The following FRMD4A variants were observed in gnomAD, a reference collection of about 807,000 sequenced individuals.
FRMD4A encodes the protein FERM domain containing 4A, also known as FERM domain-containing protein 4A.
Under a neutral mutation model 129.1 loss-of-function variants are expected in FRMD4A, and 29 were observed. The ratio of observed to expected loss-of-function variants is 0.22; its 90% CI spans 0.17 to 0.31. FRMD4A has a LOEUF of 0.31. FRMD4A is among the 10% of genes least tolerant of loss of function. The pLI is 1.00. For missense variants in FRMD4A, 1,272 were observed against 1,375.8 expected, an observed-to-expected ratio of 0.92 and a Z score of 1.19; for synonymous variants, 634 against 571.6, an observed-to-expected ratio of 1.11 and a Z score of -1.56.
At chr10:13,734,936 C>T (rs887158529) in intron 12 of FRMD4A, among the ~76,000 whole-genome samples, 9 of 151,962 alleles carry the variant, frequency 5.9e-5, no homozygotes, top group Middle Eastern at 3.4e-3. Context: ...CGCAGTGGTG[C>T]GATCTCAGCT....
intron 19 of FRMD4A, among the ~76,000 whole-genome samples, chr10:13,662,179 G>A (rs1051580834): frequency 2.0e-5 from 3 of 152,090 alleles, no homozygotes; most frequent in Non-Finnish European, 4.4e-5. Flanking sequence ...GAGGCCAACC[G>A]CAGGGCTGGG....
At chr10:14,082,273 A>G (rs748185593) in intron 2 of FRMD4A, among the ~76,000 whole-genome samples, 2 of 152,158 alleles carry the variant, frequency 1.3e-5, no homozygotes, top group Non-Finnish European at 2.9e-5. Flanking sequence ...ACAATCTAAG[A>G]TATTTTTATT....
chr10:13,676,976 C>T (rs962598855), intron 15 of FRMD4A, among the ~76,000 whole-genome samples: 8 of 152,186 alleles, frequency 5.3e-5, no homozygotes, highest in Admixed American at 4.6e-4. Flanking sequence ...CCAGAATCCA[C>T]AGTTCTGTTT....
In FRMD4A at chr10:14,130,452, A is replaced by C. The variant is rs192303427; in HGVS notation, c.45+199606T>G. 3.4e-3 allele frequency among the ~76,000 whole-genome samples: 518 copies of C among 152,170 alleles called. 2 individuals carry two copies. Among genetic ancestry groups the C allele is most frequent in the Non-Finnish European group, 5.6e-3 (378 of 68,000 alleles). On this transcript the variant is annotated intron_variant, in intron 2 of 24. Transcript: ENST00000357447. ...ATTAAAAATTTTTTATGTAGAGATG[A>C]AGTCTTGCTATGATGCCCAGGCTCC...
At chr10:14,138,034 C>T (rs1490534667) in intron 2 of FRMD4A, among the ~76,000 whole-genome samples, 1 of 152,204 alleles carries the variant, frequency 6.6e-6, no homozygotes, top group East Asian at 1.9e-4. Context: ...ACAAAGACCA[C>T]CTTGGCATCC....
At chr10:13,768,278 C>G (rs2092351630) in intron 6 of FRMD4A, among the ~76,000 whole-genome samples, 1 of 152,164 alleles carries the variant, frequency 6.6e-6, no homozygotes, top group South Asian at 2.1e-4. Flanking sequence ...GTGTTTCTAA[C>G]AAGTGGGCCC....
At chr10:14,151,203 A>G (rs1236812913) in intron 2 of FRMD4A, among the ~76,000 whole-genome samples, 3 of 152,214 alleles carry the variant, frequency 2.0e-5, no homozygotes, top group East Asian at 1.9e-4. Context: ...AGAAAGTCAC[A>G]TGCACTCATA....
intron 2 of FRMD4A, among the ~76,000 whole-genome samples, chr10:14,226,249 G>A (rs781189633): frequency 6.6e-6 from 1 of 152,098 alleles, no homozygotes; most frequent in Non-Finnish European, 1.5e-5. Context: ...TTTTCCCTGG[G>A]TGTGAGTTAT....
intron 8 of FRMD4A, chr10:13,755,944 G>A (rs1276498888): frequency 6.6e-6 from 1 of 152,184 alleles, no homozygotes; most frequent in African/African-American, 2.4e-5. Context: ...CGCCTCTTAA[G>A]CATGTGATGG....
chr10:14,307,720 G>C (rs1846399867), intron 2 of FRMD4A, among the ~76,000 whole-genome samples: 1 of 152,174 alleles, frequency 6.6e-6, no homozygotes, highest in Non-Finnish European at 1.5e-5. Flanking sequence ...CCCACAGACA[G>C]TTTTTGTCCA....
At chr10:14,047,380 G>A (rs1763702001) in intron 2 of FRMD4A, among the ~76,000 whole-genome samples, 4 of 152,252 alleles carry the variant, frequency 2.6e-5, no homozygotes, top group Admixed American at 1.3e-4. Flanking sequence ...GGGTATGAAA[G>A]GAAGGTGCAA....
chr10:13,659,232 G>A, intron 21 of FRMD4A, 91 bp downstream of exon 21: 1 of 1,122,528 alleles, frequency 8.9e-7, no homozygotes, highest in Non-Finnish European at 1.4e-6. Context: ...TCTGACTGTA[G>A]CTCATCCATT....
chr10:13,657,291 G>T lies in FRMD4A; in HGVS notation c.2298C>A (p.Ala766=). 1 of 1,609,050 alleles carries T rather than the reference G, an allele frequency of 6.2e-7. No individual in the cohort carries two copies. ...SEHYYPAQMN[A]NYSTLAEDSP... ...AGTCCTCGGCCAGCGTGGAGTAGTT[G>T]GCGTTCATCTGCGCCGGGTAGTAGT... The change falls in exon 22 of 25, where the codon GCC becomes GCA. Residue 766 remains alanine (A), a synonymous_variant. Coordinates refer to ENST00000357447, the MANE Select transcript of FRMD4A (RefSeq NM_018027.5).
At chr10:14,073,686 T>A (rs1835422999) in intron 2 of FRMD4A, among the ~76,000 whole-genome samples, 1 of 152,124 alleles carries the variant, frequency 6.6e-6, no homozygotes, top group Non-Finnish European at 1.5e-5. Context: ...GGTATGAATG[T>A]GTCGTGTTCA....
chr10:14,329,023 A>G (rs1414010355), intron 2 of FRMD4A, among the ~76,000 whole-genome samples: 1 of 152,146 alleles, frequency 6.6e-6, no homozygotes, highest in African/African-American at 2.4e-5. Flanking sequence ...ACGAAGAACC[A>G]AGATATCTGT....
intron 2 of FRMD4A, among the ~76,000 whole-genome samples, chr10:13,986,671 AAAT>A (rs2095582604): frequency 6.9e-6 from 1 of 144,314 alleles, no homozygotes; most frequent in Non-Finnish European, 1.5e-5. Flanking sequence ...ATAAATAAAT[AAAT>A]AAAATAAATA....
chr10:13,867,834 TAATA>T (rs1185102955), intron 2 of FRMD4A, among the ~76,000 whole-genome samples: 6 of 137,494 alleles, frequency 4.4e-5, no homozygotes, highest in Non-Finnish European at 6.1e-5. Context: ...ATATAATATA[TAATA>T]AATAATACAT....
rs1488026966 is a variant in FRMD4A at position 14,102,352 on chromosome 10, C to A, written c.45+227706G>T. 2.6e-5 allele frequency among the ~76,000 whole-genome samples: 4 copies of A among 152,308 alleles called. No homozygotes were observed. The East Asian group carries it at 7.7e-4, about 29-fold the overall frequency. ...AACCAGCCTGGCCACCATAGTGAAA[C>A]CCCATCTCTACTAAAAATACAAAAA... is the stretch of plus-strand genomic sequence containing the variant. On this transcript the variant is annotated intron_variant, in intron 2 of 24. Coordinates refer to ENST00000357447, the MANE Select transcript of FRMD4A (RefSeq NM_018027.5).
At chr10:13,655,482 C>T (rs555774373) in intron 22 of FRMD4A, 11 of 152,302 alleles carry the variant, frequency 7.2e-5, no homozygotes, top group African/African-American at 1.9e-4. Context: ...TCTGGGACCC[C>T]GAAGTCCACG....
Sources: allele counts gnomAD v4.1 joint callset (sites outside exome capture counted in the v4.1 genomes callset), GRCh38; gene constraint gnomAD v4.1.1; transcripts MANE v1.5; gene names NCBI Gene and HGNC (gene_info 2026-07-23, HGNC 2026-07-21).